The following TAS1R1 variants were observed in gnomAD, a reference collection of about 807,000 sequenced individuals.
TAS1R1 encodes taste 1 receptor member 1, also known as taste receptor type 1 member 1.
Under a neutral mutation model 45.8 loss-of-function variants are expected in TAS1R1, and 31 were observed. The ratio of observed to expected loss-of-function variants is 0.68; its 90% CI spans 0.51 to 0.91. The LOEUF (loss-of-function observed/expected upper bound fraction) is 0.91. Ranked by LOEUF, TAS1R1 falls within the 40% of genes least tolerant of loss-of-function variation. The probability of loss-of-function intolerance (pLI) is 0.00; values close to 1 mark genes in which losing one functional copy is unlikely to be tolerated. For missense variants in TAS1R1, 1,051 were observed against 1,063.9 expected (o/e 0.99, Z 0.17); for synonymous variants, 437 against 448.4 (o/e 0.97, Z 0.32).
At chr1:6,566,126 G>T (rs1427657592) in intron 1 of TAS1R1, among the ~76,000 whole-genome samples, 10 of 152,220 alleles carry the variant, frequency 6.6e-5, no homozygotes, top group Admixed American at 6.5e-4. Context: ...TATTGAAGAA[G>T]ACGGCTGGGG....
chr1:6,566,709 C>T (rs1639877908), intron 1 of TAS1R1, among the ~76,000 whole-genome samples: 1 of 152,208 alleles, frequency 6.6e-6, no homozygotes, highest in Non-Finnish European at 1.5e-5. Context: ...CATTCTCCTG[C>T]CTCAGCTTCC....
chr1:6,564,813 A>G (rs1453561863), intron 1 of TAS1R1, among the ~76,000 whole-genome samples: 2 of 152,198 alleles, frequency 1.3e-5, no homozygotes, highest in Non-Finnish European at 2.9e-5. Context: ...GAAGGTGTCT[A>G]TAAGAGTAAG....
chr1:6,579,107 G>A lies in TAS1R1; in HGVS notation c.2049G>A (p.Val683=), dbSNP rs751188577. ...WVQNHGAGLF[V]MISSAAQLLI... is the part of the protein sequence containing the mutation. ...AAAACCACGGTGCTGGCCTGTTTGT[G>A]ATGATCAGCTCAGCGGCCCAGCTGC... is the stretch of plus-strand genomic sequence containing the variant. The change falls in exon 6 of 6, where the codon GTG becomes GTA. Residue 683 remains valine (V), a synonymous_variant. Coordinates refer to ENST00000333172, the MANE Select transcript of TAS1R1 (RefSeq NM_138697.4). The A allele has an allele frequency of 5.0e-5, 80 of 1,614,082 alleles. No individual in the cohort carries two copies. Among genetic ancestry groups the A allele is most frequent in the Non-Finnish European group, 6.4e-5 (76 of 1,180,052 alleles).
chr1:6,575,516 TG>T, intron 3 of TAS1R1, 124 bp downstream of exon 3: 1 of 1,102,610 alleles, frequency 9.1e-7, no homozygotes, highest in Non-Finnish European at 1.2e-6. Context: ...TGAGGTTTTT[TG>T]TTTTGTTTTG....
intron 1 of TAS1R1, among the ~76,000 whole-genome samples, chr1:6,570,539 A>G (rs572726326): frequency 6.6e-6 from 1 of 152,044 alleles, no homozygotes; most frequent in African/African-American, 2.4e-5. Context: ...GCATAGTAAC[A>G]TCAATTCTTT....
At chr1:6,569,448 C>T (rs1339848374) in intron 1 of TAS1R1, among the ~76,000 whole-genome samples, 2 of 152,094 alleles carry the variant, frequency 1.3e-5, no homozygotes, top group African/African-American at 2.4e-5. Context: ...ATTTTCGGGC[C>T]ATTGGGAGCT....
chr1:6,564,657 T>C (rs920122413), intron 1 of TAS1R1, among the ~76,000 whole-genome samples: 2 of 152,250 alleles, frequency 1.3e-5, no homozygotes, highest in South Asian at 2.1e-4. Flanking sequence ...ATAAACCTGT[T>C]GGGTGATTTG....
At chr1:6,576,818 G>A (rs555180384) in intron 4 of TAS1R1, 132 bp from the exon 5 acceptor site, 16 of 1,492,860 alleles carry the variant, frequency 1.1e-5, no homozygotes, top group East Asian at 4.5e-5. Flanking sequence ...TGGGGCGGAA[G>A]TTCACACGAC....
At position 6,575,149 on chromosome 1, in the gene TAS1R1, A is replaced by T. The variant is rs1640129409; in HGVS notation, c.1017A>T (p.Glu339Asp). 3.1e-6 allele frequency: 5 copies of T among 1,587,468 alleles called. No homozygotes were observed. The East Asian group carries it at 8.9e-5, about 28-fold the overall frequency. Residue 339 changes from glutamate to aspartate, a missense_variant, in exon 3 of 6, where the codon GAA becomes GAT. Transcript: ENST00000333172. ...RAVPGLKAFE[E>D]AYARADKKAP... ...TCCCTGGCCTGAAGGCGTTTGAAGA[A>T]GCCTATGCCCGGGCAGACAAGAAGG...
intron 1 of TAS1R1, among the ~76,000 whole-genome samples, chr1:6,567,337 G>C (rs984956380): frequency 2.6e-5 from 4 of 152,060 alleles, no homozygotes; most frequent in Admixed American, 6.6e-5. Flanking sequence ...GAGACGGGCG[G>C]ATCATGAGGT....
chr1:6,579,748 G>T lies in TAS1R1; in HGVS notation c.*164G>T. On this transcript the variant is annotated 3_prime_UTR_variant, in exon 6 of 6. Transcript: ENST00000333172. ...GGCTCCGGGCTGCCAATAAAGAAGTGAAATGCGTATCTGGTCTCCTGTCGT... is the reference window on the plus strand; with the variant it reads ...GGCTCCGGGCTGCCAATAAAGAAGTTAAATGCGTATCTGGTCTCCTGTCGT... 2 of 883,644 alleles carry T rather than the reference G, an allele frequency of 2.3e-6. No individual in the cohort carries two copies. Among genetic ancestry groups the T allele is most frequent in the Non-Finnish European group, 3.4e-6 (2 of 596,448 alleles). The allele number at this position is 883,644 out of a possible 1,614,324, so 54.7% of individuals were successfully genotyped here.
rs949702800 is a variant in TAS1R1, at chr1:6,578,967, C to T, written c.1909C>T (p.Leu637Phe). ...GCCTGCGTGCTTGCTACGCCAGGCCCTCTTTGCCCTTGGTTTCACCATCTT... is the reference window on the plus strand; with the variant it reads ...GCCTGCGTGCTTGCTACGCCAGGCCTTCTTTGCCCTTGGTTTCACCATCTT... ...TRPACLLRQA[L>F]FALGFTIFLS... Residue 637 changes from leucine to phenylalanine, a missense_variant, in exon 6 of 6, where the codon CTC (leucine) becomes TTC (phenylalanine). Leu to Phe is a conservative substitution (Grantham distance 22). Transcript: ENST00000333172. 4.3e-6 allele frequency: 7 copies of T among 1,614,066 alleles called. No individual in the cohort carries two copies. The highest frequency in any genetic ancestry group is 1.7e-5 in the Admixed American group (1 of 60,006).
intron 2 of TAS1R1, among the ~76,000 whole-genome samples, chr1:6,573,686 G>A (rs1376166398): frequency 2.6e-4 from 39 of 151,142 alleles, no homozygotes; most frequent in East Asian, 1.9e-4. Flanking sequence ...TTTTTGAGAC[G>A]GAGTTTCGCT....
rs572486910 is a variant in TAS1R1, at chr1:6,576,065, A to G, written c.1261-350A>G. On this transcript the variant is annotated intron_variant, in intron 3 of 5. Coordinates refer to ENST00000333172, the MANE Select transcript of TAS1R1 (RefSeq NM_138697.4). The stretch of plus-strand genomic sequence containing the variant: ...GGCTGGTCTCGAACTCCTGGCATCA[A>G]GTGATCCTCCTGCTTCGGCCTCCCA... 4.5e-3 allele frequency among the ~76,000 whole-genome samples: 681 copies of G among 152,006 alleles called. 3 individuals carry two copies. Among genetic ancestry groups the G allele is most frequent in the Non-Finnish European group, 6.9e-3 (468 of 67,934 alleles).
intron 5 of TAS1R1, among the ~76,000 whole-genome samples, chr1:6,578,397 T>G (rs942034906): frequency 6.6e-6 from 1 of 152,106 alleles, no homozygotes; most frequent in Admixed American, 6.6e-5. Flanking sequence ...GTTAAGGTCC[T>G]CCCTAGGGTT....
rs113194168 is a variant in TAS1R1, at chr1:6,569,737, A to T, written c.192-1172A>T. Among the ~76,000 whole-genome samples, 244 of 152,222 alleles carry T rather than the reference A, an allele frequency of 1.6e-3. 2 individuals are homozygous for T. Among genetic ancestry groups the T allele is most frequent in the African/African-American group, 5.6e-3 (233 of 41,532 alleles). On this transcript the variant is annotated intron_variant, in intron 1 of 5. Transcript: ENST00000333172. ...GTAGCCACTGAGACAGGCGTCCCTG[A>T]AATGGAGGAACCGGAGGCCTGGAGG... is the stretch of plus-strand genomic sequence containing the variant.
rs1365720232 is a variant in TAS1R1 at position 6,579,743 on chromosome 1, G to A, written c.*159G>A. On this transcript the variant is annotated 3_prime_UTR_variant, in exon 6 of 6. Transcript: ENST00000333172. ...GACCAGGCTCCGGGCTGCCAATAAA[G>A]AAGTGAAATGCGTATCTGGTCTCCT... The A allele has an allele frequency of 8.7e-6, 8 of 920,564 alleles. No homozygotes were observed. The highest frequency in any genetic ancestry group is 1.3e-5 in the Non-Finnish European group (8 of 630,280). The allele number at this position is 920,564 out of a possible 1,614,324, so 57.0% of individuals were successfully genotyped here. A position where few individuals can be genotyped will look rare whatever the true frequency, so the allele number is the denominator to read the frequency against.
At chr1:6,567,348 CAGG>C in intron 1 of TAS1R1, among the ~76,000 whole-genome samples, 1 of 152,076 alleles carries the variant, frequency 6.6e-6, no homozygotes, top group Middle Eastern at 3.4e-3. Context: ...ATCATGAGGT[CAGG>C]AGATCGAGAC....
intron 2 of TAS1R1, among the ~76,000 whole-genome samples, chr1:6,573,715 T>G (rs893951655): frequency 6.6e-6 from 1 of 151,898 alleles, no homozygotes; most frequent in Non-Finnish European, 1.5e-5. Flanking sequence ...CAGGCTGGAG[T>G]GCAGTGGCGC....
Sources: gnomAD v4.1 joint callset for allele counts (sites outside exome capture counted in the v4.1 genomes callset) on GRCh38, gnomAD v4.1.1 for gene constraint, MANE v1.5 for transcripts, NCBI Gene and HGNC (gene_info 2026-07-23, HGNC 2026-07-21) for gene names.